TPD52: variants seen among roughly 807,000 people sequenced by gnomAD.
The protein encoded by TPD52 is prostate and colon associated protein.
In TPD52, 17 loss-of-function variants were observed where a neutral mutation model predicts 31.3. That is an observed-to-expected ratio of 0.54 (90% confidence interval 0.37 to 0.82). TPD52 has a LOEUF of 0.82. Ranked by LOEUF, TPD52 falls within the 40% of genes least tolerant of loss-of-function variation. The pLI is 0.00. For missense variants in TPD52, 212 were observed against 240.1 expected, an observed-to-expected ratio of 0.88 and a Z score of 0.77; for synonymous variants, 83 against 89.6, an observed-to-expected ratio of 0.93 and a Z score of 0.42.
chr8:80,052,791 A>G (rs1335981788), intron 3 of TPD52: 3 of 470,980 alleles, frequency 6.4e-6, no homozygotes, highest in African/African-American at 4.2e-5. Context: ...TGAGACTACG[A>G]CCTGAGAATC....
intron 1 of TPD52, among the ~76,000 whole-genome samples, chr8:80,161,915 G>T (rs2131259114): frequency 6.6e-6 from 1 of 151,990 alleles, no homozygotes. Flanking sequence ...TTTTTGTAGA[G>T]ACAGGGTTTC....
At chr8:80,169,114 A>T (rs1344130268) in intron 1 of TPD52, among the ~76,000 whole-genome samples, 1 of 152,164 alleles carries the variant, frequency 6.6e-6, no homozygotes, top group Non-Finnish European at 1.5e-5. Context: ...CCTCCTGAAT[A>T]GCTGGGACTA....
chr8:80,171,383 A>G (rs1022218585), intron 1 of TPD52, 42 bp downstream of exon 1: 12 of 1,592,058 alleles, frequency 7.5e-6, no homozygotes, highest in Middle Eastern at 3.5e-4. Flanking sequence ...TCCAAGCCCG[A>G]GTCCAAGCCC....
intron 1 of TPD52, among the ~76,000 whole-genome samples, chr8:80,160,693 A>T (rs1001918630): frequency 6.6e-6 from 1 of 152,036 alleles, no homozygotes; most frequent in Non-Finnish European, 1.5e-5. Context: ...TTTAAAAACT[A>T]CTACTAACAT....
At chr8:80,131,055 G>C (rs1444980952) in intron 1 of TPD52, among the ~76,000 whole-genome samples, 2 of 152,092 alleles carry the variant, frequency 1.3e-5, no homozygotes, top group South Asian at 2.1e-4. Context: ...TGGGGTGAGG[G>C]GTAGAGGTTT....
chr8:80,097,898 CTTCTT>C (rs1806451909), intron 1 of TPD52, among the ~76,000 whole-genome samples: 1 of 152,214 alleles, frequency 6.6e-6, no homozygotes, highest in African/African-American at 2.4e-5. Flanking sequence ...GGCTGACTCT[CTTCTT>C]AGGAGCTAAT....
intron 1 of TPD52, among the ~76,000 whole-genome samples, chr8:80,150,178 C>T (rs1810472702): frequency 2.0e-5 from 3 of 152,230 alleles, no homozygotes; most frequent in Admixed American, 2.0e-4. Context: ...CCAACTGTGG[C>T]TTCAGAGGGT....
intron 1 of TPD52, among the ~76,000 whole-genome samples, chr8:80,095,094 A>C (rs978287793): frequency 6.6e-6 from 1 of 152,250 alleles, no homozygotes; most frequent in African/African-American, 2.4e-5. Context: ...GGCTTTATTC[A>C]TGATCACCAA....
chr8:80,155,001 G>GT (rs201457391), intron 1 of TPD52, among the ~76,000 whole-genome samples: 58,740 of 139,358 alleles, frequency 0.42, 12,288 homozygotes, highest in East Asian at 0.72. Context: ...TTGGTTTTTT[G>GT]TTTTTTTTTT....
chr8:80,074,088 G>A (rs1165783614), intron 1 of TPD52, among the ~76,000 whole-genome samples: 1 of 152,168 alleles, frequency 6.6e-6, no homozygotes, highest in East Asian at 1.9e-4. Flanking sequence ...ACATATATTT[G>A]AGCCCTGGAA....
intron 1 of TPD52, among the ~76,000 whole-genome samples, chr8:80,121,299 C>T (rs759566878): frequency 2.3e-4 from 35 of 151,958 alleles, no homozygotes; most frequent in Non-Finnish European, 4.3e-4. Flanking sequence ...CCTTTCACAG[C>T]CCCAGCAAAG....
At chr8:80,160,558 C>G (rs188099486) in intron 1 of TPD52, among the ~76,000 whole-genome samples, 352 of 152,198 alleles carry the variant, frequency 2.3e-3, no homozygotes, top group Non-Finnish European at 4.1e-3. Context: ...CATCCATTTG[C>G]CAAATGTCTC....
In TPD52 at chr8:80,154,735, ACACACACAC is replaced by A. The variant is rs1158521977; in HGVS notation, c.19+16681_19+16689del. Reference sequence around the variant, plus strand: ...CACACACACACACACACACACACACACACACACACACACACACAAAACACCTACATTAGC... The same window carrying A: ...CACACACACACACACACACACACACAACACACACAAAACACCTACATTAGC... On this transcript the variant is annotated intron_variant, in intron 1 of 7. Transcript: ENST00000518937. Among the ~76,000 whole-genome samples the A allele has an allele frequency of 1.4e-3, 205 of 141,620 alleles. 1 individual carries two copies. Among genetic ancestry groups the A allele is most frequent in the East Asian group, 3.5e-3 (18 of 5,126 alleles). The allele number at this position is 141,620 out of a possible 152,430, so 92.9% of individuals were successfully genotyped here.
At position 80,051,503 on chromosome 8, in the gene TPD52, G is replaced by A. The variant is rs772502978; in HGVS notation, c.386+24C>T. ...TTTTAATTTGCGTCAGCTACTTAATGAGCAAGGAAAAATGAGGACATACTT... is the reference window on the plus strand; with the variant it reads ...TTTTAATTTGCGTCAGCTACTTAATAAGCAAGGAAAAATGAGGACATACTT... On this transcript the variant is annotated intron_variant, in intron 4 of 7. Coordinates refer to ENST00000518937, the MANE Select transcript of TPD52 (RefSeq NM_001025253.3). The A allele has an allele frequency of 2.5e-6, 4 of 1,603,598 alleles. No homozygotes were observed. In the South Asian group the frequency reaches 4.4e-5, roughly 18 times the overall value.
At chr8:80,031,587 G>A (rs1809694494), downstream of TPD52, among the ~76,000 whole-genome samples, 1 of 152,206 alleles carries the variant, frequency 6.6e-6, no homozygotes, top group South Asian at 2.1e-4. Context: ...ACTGGGCAGG[G>A]TGGCTTACAC....
At chr8:80,087,152 T>A (rs896241936) in intron 1 of TPD52, among the ~76,000 whole-genome samples, 3 of 152,040 alleles carry the variant, frequency 2.0e-5, no homozygotes, top group East Asian at 1.9e-4. Context: ...TTTCCCCCCA[T>A]CAACTTTTAA....
chr8:80,111,144 C>T (rs546453266), intron 1 of TPD52, among the ~76,000 whole-genome samples: 3 of 152,238 alleles, frequency 2.0e-5, no homozygotes, highest in South Asian at 2.1e-4. Flanking sequence ...CTCAAAAGTT[C>T]GAGGCTGCAG....
intron 1 of TPD52, among the ~76,000 whole-genome samples, chr8:80,146,237 T>C (rs1266586106): frequency 1.3e-5 from 2 of 152,182 alleles, no homozygotes; most frequent in South Asian, 2.1e-4. Context: ...CAAAAAAATA[T>C]ACTTGGATGT....
chr8:80,047,610 A>G (rs1810996855), intron 5 of TPD52, among the ~76,000 whole-genome samples: 1 of 152,240 alleles, frequency 6.6e-6, no homozygotes, highest in Non-Finnish European at 1.5e-5. Context: ...ATAAATGAAT[A>G]AACAATTTTG....
Sources: allele counts gnomAD v4.1 joint callset (sites outside exome capture counted in the v4.1 genomes callset), GRCh38; gene constraint gnomAD v4.1.1; transcripts MANE v1.5; gene names NCBI Gene and HGNC (gene_info 2026-07-23, HGNC 2026-07-21).